The following LARS2 variants were observed in gnomAD, a reference collection of about 807,000 sequenced individuals.
LARS2 encodes leucine--tRNA ligase, mitochondrial.
In LARS2, 81 loss-of-function variants were observed where a neutral mutation model predicts 116.6. The ratio of observed to expected loss-of-function variants is 0.69; its 90% CI spans 0.58 to 0.84. LARS2 has a LOEUF of 0.84. Ranked by LOEUF, LARS2 falls within the 40% of genes least tolerant of loss-of-function variation. The pLI, the probability that LARS2 is intolerant of heterozygous loss-of-function variation, is 0.00. For synonymous variants in LARS2, 396 were observed against 407.2 expected, an observed-to-expected ratio of 0.97 and a Z score of 0.33; for missense variants, 968 against 1,114.5, an observed-to-expected ratio of 0.87 and a Z score of 1.87.
At chr3:45,477,381 T>C (rs1332557810) in intron 10 of LARS2, among the ~76,000 whole-genome samples, 2 of 152,162 alleles carry the variant, frequency 1.3e-5, no homozygotes, top group East Asian at 3.9e-4. Context: ...GTCCCCTGAG[T>C]GCCACTGTCA....
At chr3:45,506,382 A>G (rs547859823) in intron 15 of LARS2, among the ~76,000 whole-genome samples, 1 of 152,226 alleles carries the variant, frequency 6.6e-6, no homozygotes, top group South Asian at 2.1e-4. Flanking sequence ...TGAGATGAGT[A>G]ATTTGGAATT....
intron 4 of LARS2, among the ~76,000 whole-genome samples, chr3:45,406,289 C>T (rs1440489176): frequency 6.6e-6 from 1 of 151,976 alleles, no homozygotes; most frequent in East Asian, 1.9e-4. Flanking sequence ...GTAATGATCC[C>T]CTGAGGAGTT....
intron 20 of LARS2, among the ~76,000 whole-genome samples, chr3:45,525,693 G>T (rs1210454102): frequency 6.6e-6 from 1 of 152,198 alleles, no homozygotes; most frequent in Non-Finnish European, 1.5e-5. Context: ...GGTCTTTCCA[G>T]TTACTCTTTT....
rs141211626 is a variant in LARS2 at position 45,528,905 on chromosome 3, T to C, written c.2404+4797T>C. ...TTTTTTTGGAGATGGAGTCTCACTC[T>C]GTTGCCTAGGCTGGAATGCAGTAGT... is the stretch of plus-strand genomic sequence containing the variant. On this transcript the variant is annotated intron_variant, in intron 20 of 21. Transcript: ENST00000645846. 2.5e-3 allele frequency among the ~76,000 whole-genome samples: 372 copies of C among 151,830 alleles called. 2 individuals are homozygous for C. The highest frequency in any genetic ancestry group is 8.5e-3 in the African/African-American group (354 of 41,424).
intron 6 of LARS2, chr3:45,421,744 T>G (rs1046343834): frequency 6.6e-6 from 1 of 152,240 alleles, no homozygotes; most frequent in African/African-American, 2.4e-5. Context: ...AAGACTGTCC[T>G]AAATTGAAAA....
chr3:45,526,963 G>A (rs1172127964), intron 20 of LARS2, among the ~76,000 whole-genome samples: 1 of 152,156 alleles, frequency 6.6e-6, no homozygotes, highest in Admixed American at 6.5e-5. Context: ...CAGCATGAAC[G>A]TAGTTCCCAG....
At chr3:45,544,303 C>T (rs1209397909) in intron 21 of LARS2, among the ~76,000 whole-genome samples, 3 of 152,194 alleles carry the variant, frequency 2.0e-5, no homozygotes, top group East Asian at 1.9e-4. Context: ...TGTAAGGGCT[C>T]GGAAGTCAGG....
At chr3:45,509,171 T>A (rs1033599072) in intron 15 of LARS2, among the ~76,000 whole-genome samples, 1 of 152,044 alleles carries the variant, frequency 6.6e-6, no homozygotes, top group African/African-American at 2.4e-5. Context: ...TACTCCCGCG[T>A]TTGATGGTCC....
At chr3:45,481,322 A>G (rs574854013) in intron 10 of LARS2, among the ~76,000 whole-genome samples, 96 of 152,350 alleles carry the variant, frequency 6.3e-4, no homozygotes, top group Middle Eastern at 6.8e-3. Context: ...TAATACTTCT[A>G]TGAACATTAA....
intron 6 of LARS2, among the ~76,000 whole-genome samples, chr3:45,423,909 A>G (rs947314801): frequency 6.6e-6 from 1 of 152,108 alleles, no homozygotes; most frequent in Non-Finnish European, 1.5e-5. Flanking sequence ...TTTCTTTCTT[A>G]TCTCTGTAGT....
chr3:45,405,077 G>C (rs1466681493), intron 4 of LARS2, among the ~76,000 whole-genome samples: 2 of 151,968 alleles, frequency 1.3e-5, no homozygotes, highest in African/African-American at 4.8e-5. Context: ...TGGCAGGGAA[G>C]GTCTTTCTAA....
intron 8 of LARS2, among the ~76,000 whole-genome samples, chr3:45,465,555 G>A: frequency 6.6e-6 from 1 of 152,216 alleles, no homozygotes; most frequent in Non-Finnish European, 1.5e-5. Flanking sequence ...TGAATAGAGG[G>A]AGTAAAATCT....
At chr3:45,393,708 C>T (rs1005156362) in intron 2 of LARS2, among the ~76,000 whole-genome samples, 1 of 152,074 alleles carries the variant, frequency 6.6e-6, no homozygotes, top group Non-Finnish European at 1.5e-5. Context: ...CCTGTAATCC[C>T]AGCACTTTGG....
intron 8 of LARS2, among the ~76,000 whole-genome samples, chr3:45,472,714 A>C (rs1037876300): frequency 1.3e-5 from 2 of 152,188 alleles, no homozygotes; most frequent in African/African-American, 4.8e-5. Flanking sequence ...TATCAGACTG[A>C]ATATGGACTT....
At chr3:45,441,312 A>G (rs577379117) in intron 6 of LARS2, among the ~76,000 whole-genome samples, 1 of 152,124 alleles carries the variant, frequency 6.6e-6, no homozygotes, top group Admixed American at 6.5e-5. Context: ...GGCATGAGCC[A>G]TTGCACCCGG....
chr3:45,493,542 G>C (rs1038840242), intron 13 of LARS2, among the ~76,000 whole-genome samples: 3 of 152,140 alleles, frequency 2.0e-5, no homozygotes, highest in African/African-American at 7.2e-5. Context: ...CTTGGACAAG[G>C]TTCTTAACCT....
At chr3:45,435,864 TAGAG>T (rs984237953) in intron 6 of LARS2, among the ~76,000 whole-genome samples, 2 of 152,182 alleles carry the variant, frequency 1.3e-5, no homozygotes, top group African/African-American at 4.8e-5. Context: ...TAGTTGTATT[TAGAG>T]AGAATCAGGA....
chr3:45,515,166 C>T (rs1183438569), intron 16 of LARS2, among the ~76,000 whole-genome samples: 6 of 152,102 alleles, frequency 3.9e-5, no homozygotes, highest in East Asian at 1.9e-4. Flanking sequence ...AGGAAGTCAC[C>T]AGCCACTCCT....
intron 20 of LARS2, among the ~76,000 whole-genome samples, chr3:45,526,307 A>G (rs1700530169): frequency 6.6e-6 from 1 of 152,220 alleles, no homozygotes; most frequent in Admixed American, 6.5e-5. Context: ...AAGTTCCCCA[A>G]AGGGATCACT....
Sources: allele counts gnomAD v4.1 joint callset (sites outside exome capture counted in the v4.1 genomes callset), GRCh38; gene constraint gnomAD v4.1.1; transcripts MANE v1.5; gene names NCBI Gene and HGNC (gene_info 2026-07-23, HGNC 2026-07-21).